The following MYO3B variants were observed in gnomAD, a reference collection of about 807,000 sequenced individuals.
The protein encoded by MYO3B is myosin IIIB.
In MYO3B, 156 loss-of-function variants were observed where a neutral mutation model predicts 174.6. The ratio of observed to expected loss-of-function variants is 0.89; its 90% CI spans 0.78 to 1.02. MYO3B has a LOEUF of 1.02. Ranked by LOEUF, MYO3B falls within the 50% of genes least tolerant of loss-of-function variation. The probability of loss-of-function intolerance (pLI) is 0.00; values close to 1 mark genes in which losing one functional copy is unlikely to be tolerated. For missense variants in MYO3B, 1,632 were observed against 1,639.4 expected (o/e 1.00, Z 0.08); for synonymous variants, 563 against 569.1 (o/e 0.99, Z 0.15).
rs371287182 is a variant in MYO3B, at chr2:170,392,844, T to C, written c.1791+349T>C. 2.5e-3 allele frequency among the ~76,000 whole-genome samples: 377 copies of C among 150,656 alleles called. 2 individuals are homozygous for C. The highest frequency in any genetic ancestry group is 8.9e-3 in the African/African-American group (367 of 41,178). On this transcript the variant is annotated intron_variant, in intron 16 of 34. Coordinates refer to ENST00000408978, the MANE Select transcript of MYO3B (RefSeq NM_138995.5). ...AATTCATTACACGTGTAATAACAAATACCAAAACAATACTGTGGGTTTTTT... is the reference window on the plus strand; with the variant it reads ...AATTCATTACACGTGTAATAACAAACACCAAAACAATACTGTGGGTTTTTT...
At chr2:170,221,082 G>A (rs2092894534) in intron 6 of MYO3B, among the ~76,000 whole-genome samples, 1 of 152,078 alleles carries the variant, frequency 6.6e-6, no homozygotes, top group Admixed American at 6.5e-5. Flanking sequence ...AATGCTTTGG[G>A]TCAAGAACAG....
In MYO3B at chr2:170,387,335, T is replaced by A. The variant is rs767389225; in HGVS notation, c.1577+27T>A. 1.9e-6 allele frequency: 3 copies of A among 1,605,306 alleles called. No individual in the cohort carries two copies. The East Asian group carries it at 6.7e-5, about 36-fold the overall frequency. On this transcript the variant is annotated intron_variant, in intron 14 of 34. Transcript: ENST00000408978. ...TAGGTGCACTACTTTATCACTGTGT[T>A]TTTGCCCTGCAGTAAAAACTGGGAG...
Position 170,214,435 on chromosome 2 carries a change from G to A in MYO3B, c.378G>A (p.Gln126=). The A allele has an allele frequency of 1.2e-6, 2 of 1,614,198 alleles. No homozygotes were observed. The highest frequency in any genetic ancestry group is 1.7e-6 in the Non-Finnish European group (2 of 1,180,018). Residue 126 remains glutamine, a synonymous_variant, in exon 4 of 35, where the codon CAG becomes CAA. Coordinates refer to ENST00000408978, the MANE Select transcript of MYO3B (RefSeq NM_138995.5). The part of the protein sequence containing the change: ...ELVKGLLRCG[Q]RLDEAMISYI... ...TCAAAGGTCTACTCAGATGTGGCCA[G>A]CGGTTGGATGAAGCAATGATCTCAT...
At chr2:170,223,812 G>C (rs2092925274) in intron 6 of MYO3B, among the ~76,000 whole-genome samples, 1 of 152,200 alleles carries the variant, frequency 6.6e-6, no homozygotes, top group Non-Finnish European at 1.5e-5. Flanking sequence ...AACCAATGTT[G>C]TCATTATCGT....
chr2:170,448,124 A>G lies in MYO3B; in HGVS notation c.2730+4078A>G, dbSNP rs184776951. Among the ~76,000 whole-genome samples, 26 of 152,258 alleles carry G rather than the reference A, an allele frequency of 1.7e-4. No individual in the cohort carries two copies. In the East Asian group the frequency reaches 4.8e-3, roughly 28 times the overall value. On this transcript the variant is annotated intron_variant, in intron 23 of 34. Coordinates refer to ENST00000408978, the MANE Select transcript of MYO3B (RefSeq NM_138995.5). ...TTTCTAATCTTGTGGCTAATTTGTT[A>G]GTCTTGCAAAGGCAGTCTAGTCCCC...
At chr2:170,262,444 G>A (rs1256647588) in intron 7 of MYO3B, among the ~76,000 whole-genome samples, 1 of 152,188 alleles carries the variant, frequency 6.6e-6, no homozygotes, top group Non-Finnish European at 1.5e-5. Flanking sequence ...GTTTTAGAAA[G>A]ATCCTTCTAG....
intron 6 of MYO3B, among the ~76,000 whole-genome samples, chr2:170,226,838 G>C (rs763444169): frequency 6.6e-6 from 1 of 152,188 alleles, no homozygotes; most frequent in Non-Finnish European, 1.5e-5. Context: ...TTTTAAGGCT[G>C]TCCTCACTCC....
At chr2:170,545,966 T>C (rs1690453879) in intron 32 of MYO3B, among the ~76,000 whole-genome samples, 3 of 152,226 alleles carry the variant, frequency 2.0e-5, no homozygotes, top group Non-Finnish European at 4.4e-5. Flanking sequence ...AGGCTTTCTC[T>C]GTTCTGGTCC....
chr2:170,546,897 G>A lies in MYO3B; in HGVS notation c.3733+2909G>A, dbSNP rs540094119. Among the ~76,000 whole-genome samples, 161 of 152,230 alleles carry A rather than the reference G, an allele frequency of 1.1e-3. 1 individual carries two copies. The highest frequency in any genetic ancestry group is 3.6e-3 in the African/African-American group (150 of 41,534). ...GGCCTAACTTCGTTATTCTATGAAG[G>A]GGTCTGGTGAGGTGAGAGTGAGAGG... On this transcript the variant is annotated intron_variant, in intron 32 of 34. Transcript: ENST00000408978.
At chr2:170,565,088 ACT>A (rs1362460914) in intron 32 of MYO3B, among the ~76,000 whole-genome samples, 5 of 152,180 alleles carry the variant, frequency 3.3e-5, no homozygotes, top group Admixed American at 6.5e-5. Flanking sequence ...AGTGACCATG[ACT>A]CCATGCAAAA....
Position 170,235,034 on chromosome 2 carries a change from A to G in MYO3B, c.604-957A>G, listed in dbSNP as rs551757441. On this transcript the variant is annotated intron_variant, in intron 6 of 34. Coordinates refer to ENST00000408978, the MANE Select transcript of MYO3B (RefSeq NM_138995.5). The stretch of plus-strand genomic sequence containing the variant: ...AGTCTCATTTCATTTGGAATGAAAA[A>G]AACTAAAGACATTATGATGGCCTAA... 2.6e-5 allele frequency among the ~76,000 whole-genome samples: 4 copies of G among 152,276 alleles called. No homozygotes were observed. The South Asian group carries it at 8.3e-4, about 32-fold the overall frequency.
At chr2:170,333,661 A>G (rs2093927378) in intron 7 of MYO3B, among the ~76,000 whole-genome samples, 1 of 151,990 alleles carries the variant, frequency 6.6e-6, no homozygotes, top group Non-Finnish European at 1.5e-5. Context: ...CTTGGTACGT[A>G]TTGTTTTCTG....
chr2:170,276,183 G>C (rs527588702), intron 7 of MYO3B, among the ~76,000 whole-genome samples: 3 of 152,310 alleles, frequency 2.0e-5, no homozygotes, highest in South Asian at 4.1e-4. Flanking sequence ...ACCCAAGTCA[G>C]GAGGGGGCAA....
At chr2:170,426,399 G>A (rs995757320) in intron 22 of MYO3B, among the ~76,000 whole-genome samples, 5 of 149,776 alleles carry the variant, frequency 3.3e-5, no homozygotes, top group African/African-American at 7.4e-5. Flanking sequence ...GCAGTGGCGC[G>A]ATCTCAGCTC....
intron 22 of MYO3B, among the ~76,000 whole-genome samples, chr2:170,420,482 G>T (rs866687926): frequency 2.6e-5 from 4 of 152,160 alleles, no homozygotes; most frequent in Non-Finnish European, 5.9e-5. Context: ...ATCCTGGTAG[G>T]CTGGCAGGTT....
intron 3 of MYO3B, among the ~76,000 whole-genome samples, chr2:170,207,181 C>A (rs1282707479): frequency 6.6e-6 from 1 of 152,072 alleles, no homozygotes; most frequent in Non-Finnish European, 1.5e-5. Flanking sequence ...CAGACACCCC[C>A]CTCCCAGAGG....
Position 170,609,138 on chromosome 2 carries a change from GT to G in MYO3B, c.3734-42489del, listed in dbSNP as rs1694989462. On this transcript the variant is annotated intron_variant, in intron 32 of 34. Transcript: ENST00000408978. ...CTGATGTAGGTGGGAAATCACCCAC[GT>G]GCTTGCTGATTTCCTTGCCCATGTT... Among the ~76,000 whole-genome samples, 4 of 152,178 alleles carry G rather than the reference GT, an allele frequency of 2.6e-5. No homozygotes were observed. In the South Asian group the frequency reaches 8.3e-4, roughly 32 times the overall value.
intron 7 of MYO3B, among the ~76,000 whole-genome samples, chr2:170,250,060 A>G (rs989078126): frequency 3.3e-5 from 5 of 152,182 alleles, no homozygotes; most frequent in East Asian, 1.9e-4. Context: ...CAAAATTACC[A>G]TGAAGACTAT....
At position 170,537,448 on chromosome 2, in the gene MYO3B, A is replaced by ATTTTTT. The variant is rs559086883; in HGVS notation, c.3576-5430_3576-5425dup. 6.8e-3 allele frequency among the ~76,000 whole-genome samples: 375 copies of ATTTTTT among 54,834 alleles called. 68 individuals are homozygous for ATTTTTT. The highest frequency in any genetic ancestry group is 0.01 in the African/African-American group (124 of 12,280). 36.0% of individuals were successfully genotyped at this position (54,834 alleles called of 152,430 possible). ...ACCTTCTCTTATTAAGAGCTCTTTG[A>ATTTTTT]TTTTTTTTTTTTTTTTTTTTTTTTT... On this transcript the variant is annotated intron_variant, in intron 30 of 34. Transcript: ENST00000408978.
Sources: allele counts gnomAD v4.1 joint callset (sites outside exome capture counted in the v4.1 genomes callset), GRCh38; gene constraint gnomAD v4.1.1; transcripts MANE v1.5; gene names NCBI Gene and HGNC (gene_info 2026-07-23, HGNC 2026-07-21).